Variants in NECAP2 observed in about 807,000 individuals in gnomAD.
The protein encoded by NECAP2 is NECAP endocytosis associated 2.
Under a neutral mutation model 37.8 loss-of-function variants are expected in NECAP2, and 38 were observed. The observed-to-expected ratio is 1.01, with a 90% confidence interval of 0.78 to 1.32. The LOEUF is 1.32. Ranked by LOEUF, NECAP2 falls within the 40% of genes most tolerant of loss-of-function variation. The pLI is 0.00. For synonymous variants in NECAP2, 121 were observed against 127.7 expected, an observed-to-expected ratio of 0.95 and a Z score of 0.35; for missense variants, 316 against 334.5, an observed-to-expected ratio of 0.94 and a Z score of 0.43.
At chr1:16,441,891 A>G (rs973997109) in intron 1 of NECAP2, among the ~76,000 whole-genome samples, 11 of 152,204 alleles carry the variant, frequency 7.2e-5, no homozygotes, top group Admixed American at 1.3e-4. Flanking sequence ...AAAAACAACA[A>G]TAACCAAAAT....
At chr1:16,452,711 A>G (rs1260817267) in intron 6 of NECAP2, among the ~76,000 whole-genome samples, 1 of 152,092 alleles carries the variant, frequency 6.6e-6, no homozygotes, top group East Asian at 1.9e-4. Context: ...GCGAGTGTCT[A>G]GTGTCAGCTT....
intron 6 of NECAP2, among the ~76,000 whole-genome samples, chr1:16,455,359 G>A (rs2086901491): frequency 6.6e-6 from 1 of 152,236 alleles, no homozygotes; most frequent in Admixed American, 6.5e-5. Flanking sequence ...CTGGCACGTA[G>A]TGTTCTCAGC....
At chr1:16,441,174 G>C (rs937926227) in intron 1 of NECAP2, 2 of 370,188 alleles carry the variant, frequency 5.4e-6, no homozygotes, top group Non-Finnish European at 1.0e-5. Context: ...AGCGCTAACC[G>C]GTGGCCTTGA....
chr1:16,451,876 A>G lies in NECAP2; in HGVS notation c.528A>G (p.Arg176=). 6.2e-7 allele frequency: 1 copy of G among 1,614,100 alleles called. No individual in the cohort carries two copies. Among genetic ancestry groups the G allele is most frequent in the Non-Finnish European group, 8.5e-7 (1 of 1,179,988 alleles). ...KKKEGAAGNP[R]VRPASTGGLS... ...AGGAAGGAGCAGCTGGGAATCCCCG[A>G]GTCCGGCCTGCCAGCACAGGAGGGC... is the stretch of plus-strand genomic sequence containing the variant. The change falls in exon 6 of 8, where the codon CGA becomes CGG. Residue 176 remains arginine (R), a synonymous_variant. Transcript: ENST00000337132.
intron 1 of NECAP2, chr1:16,441,062 G>T (rs942665403): frequency 3.5e-6 from 2 of 577,962 alleles, no homozygotes; most frequent in Non-Finnish European, 6.2e-6. Flanking sequence ...TCCTGGCGGC[G>T]GGGAGGGCGT....
intron 2 of NECAP2, among the ~76,000 whole-genome samples, chr1:16,445,523 G>T (rs1159537466): frequency 6.6e-6 from 1 of 152,200 alleles, no homozygotes; most frequent in Non-Finnish European, 1.5e-5. Context: ...AGGAATCTTG[G>T]TGAGGTTGGA....
chr1:16,440,826 C>G lies in NECAP2; in HGVS notation c.65C>G (p.Pro22Arg). ...VKPDVHVYRI[P>R]PRATNRGYRA... ...CCTGACGTCCACGTCTACCGCATCCCTCCGCGGGCTACCAACCGTGGCTAC... is the reference window on the plus strand; with the variant it reads ...CCTGACGTCCACGTCTACCGCATCCGTCCGCGGGCTACCAACCGTGGCTAC... The change falls in exon 1 of 8, where the codon CCT becomes CGT. Residue 22 changes from proline (P) to arginine (R), a missense_variant. Coordinates refer to ENST00000337132, the MANE Select transcript of NECAP2 (RefSeq NM_018090.5). 1 of 1,614,190 alleles carries G rather than the reference C, an allele frequency of 6.2e-7. No individual in the cohort carries two copies. The highest frequency in any genetic ancestry group is 8.5e-7 in the Non-Finnish European group (1 of 1,179,996).
At position 16,458,940 on chromosome 1, in the gene NECAP2, C is replaced by G; in HGVS notation, c.*50C>G. The G allele has an allele frequency of 1.7e-5, 27 of 1,614,072 alleles. No homozygotes were observed. The highest frequency in any genetic ancestry group is 2.3e-5 in the Non-Finnish European group (27 of 1,179,994). ...GACTTCTGGGAAGGCGCTCCCTCAT[C>G]TGGGCCAAAGGAAGGAGGACGAAGC... On this transcript the variant is annotated 3_prime_UTR_variant, in exon 8 of 8. Transcript: ENST00000337132.
chr1:16,454,569 C>T (rs574615905), intron 6 of NECAP2, among the ~76,000 whole-genome samples: 2 of 152,250 alleles, frequency 1.3e-5, no homozygotes, highest in South Asian at 4.1e-4. Flanking sequence ...GTTGGCCAGG[C>T]TGGTCTCGAA....
At position 16,440,747 on chromosome 1, in the gene NECAP2, G is replaced by A; in HGVS notation, c.-15G>A. ...GTGGAAGTCGCCGGAAGTTCGGTGG[G>A]CTCCAGGCGTCGCGATGGAGGAGAG... On this transcript the variant is annotated 5_prime_UTR_variant, in exon 1 of 8. Coordinates refer to ENST00000337132, the MANE Select transcript of NECAP2 (RefSeq NM_018090.5). 1 of 1,608,988 alleles carries A rather than the reference G, an allele frequency of 6.2e-7. No individual in the cohort carries two copies. Among genetic ancestry groups the A allele is most frequent in the Non-Finnish European group, 8.5e-7 (1 of 1,175,412 alleles).
intron 7 of NECAP2, among the ~76,000 whole-genome samples, chr1:16,456,315 G>T (rs950334778): frequency 6.6e-6 from 1 of 152,128 alleles, no homozygotes; most frequent in South Asian, 2.1e-4. Flanking sequence ...ATGAGCCACC[G>T]CGCCTGGCCT....
At chr1:16,458,177 C>T (rs1191022130) in intron 7 of NECAP2, among the ~76,000 whole-genome samples, 1 of 152,114 alleles carries the variant, frequency 6.6e-6, no homozygotes, top group Non-Finnish European at 1.5e-5. Context: ...TGAAATAACT[C>T]CAAGAACAGT....
At chr1:16,442,295 T>G (rs1019188484) in intron 1 of NECAP2, among the ~76,000 whole-genome samples, 7 of 152,084 alleles carry the variant, frequency 4.6e-5, no homozygotes, top group Non-Finnish European at 7.4e-5. Context: ...GGGTCTTTAG[T>G]AGGATGGATT....
At chr1:16,456,303 G>A (rs2086917791) in intron 7 of NECAP2, among the ~76,000 whole-genome samples, 1 of 152,208 alleles carries the variant, frequency 6.6e-6, no homozygotes, top group Non-Finnish European at 1.5e-5. Flanking sequence ...GGGATTACAG[G>A]CATGAGCCAC....
intron 2 of NECAP2, among the ~76,000 whole-genome samples, chr1:16,445,872 C>G (rs917083572): frequency 4.6e-5 from 7 of 150,662 alleles, no homozygotes; most frequent in African/African-American, 1.5e-4. Context: ...CCACTGCACT[C>G]CAGCCTGGGT....
rs745407395 is a variant in NECAP2 at position 16,449,073 on chromosome 1, T to C, written c.381-20T>C. 6.5e-5 allele frequency: 102 copies of C among 1,569,960 alleles called. 1 individual carries two copies. In the South Asian group the frequency reaches 9.3e-4, roughly 14 times the overall value. On this transcript the variant is annotated intron_variant, in intron 4 of 7. Coordinates refer to ENST00000337132, the MANE Select transcript of NECAP2 (RefSeq NM_018090.5). ...CTGGTCTCTTCCTTCCTCACCTTTT[T>C]CCTCATGTTCTCTCCCCAGGTGGGT...
chr1:16,440,837 A>T lies in NECAP2; in HGVS notation c.76A>T (p.Thr26Ser), dbSNP rs2086679676. Reference sequence around the variant, plus strand: ...CGTCTACCGCATCCCTCCGCGGGCTACCAACCGTGGCTACAGGTGACTACC... The same window carrying T: ...CGTCTACCGCATCCCTCCGCGGGCTTCCAACCGTGGCTACAGGTGACTACC... Reference protein sequence around the residue: ...VHVYRIPPRATNRGYRAAEWQ... With the variant: ...VHVYRIPPRASNRGYRAAEWQ... The change falls in exon 1 of 8, where the codon ACC becomes TCC. Residue 26 changes from threonine to serine, a missense_variant. Around this residue, in one of 3 missense-constraint regions of NECAP2, gnomAD observed 81 missense variants for 124.2 expected, o/e 0.65. Transcript: ENST00000337132. The T allele has an allele frequency of 6.2e-7, 1 of 1,613,946 alleles. No individual in the cohort carries two copies.
intron 5 of NECAP2, chr1:16,449,940 T>C (rs1163563453): frequency 3.5e-6 from 1 of 287,182 alleles, no homozygotes; most frequent in Non-Finnish European, 6.9e-6. Context: ...GGAGATGAGG[T>C]CAGAGTCATG....
chr1:16,456,661 A>G lies in NECAP2; in HGVS notation c.743+768A>G, dbSNP rs1450056464. 2.6e-5 allele frequency among the ~76,000 whole-genome samples: 4 copies of G among 152,302 alleles called. No individual in the cohort carries two copies. The East Asian group carries it at 7.7e-4, about 29-fold the overall frequency. ...CAAGACTTTACTTGGGGCCAGGGTGAAAAGATACTAAATTCCTACTGCACT... is the reference window on the plus strand; with the variant it reads ...CAAGACTTTACTTGGGGCCAGGGTGGAAAGATACTAAATTCCTACTGCACT... On this transcript the variant is annotated intron_variant, in intron 7 of 7. Coordinates refer to ENST00000337132, the MANE Select transcript of NECAP2 (RefSeq NM_018090.5).
Sources: gnomAD v4.1 joint callset for allele counts (sites outside exome capture counted in the v4.1 genomes callset) on GRCh38, gnomAD v4.1.1 for gene constraint, gnomAD v4.1.1 regional missense constraint, MANE v1.5 for transcripts, NCBI Gene and HGNC (gene_info 2026-07-23, HGNC 2026-07-21) for gene names.